Variants in ARIH1 observed in about 807,000 individuals in gnomAD.
ARIH1 encodes the protein ariadne RBR E3 ubiquitin protein ligase 1.
Under a neutral mutation model 85.0 loss-of-function variants are expected in ARIH1, and 8 were observed. The observed-to-expected ratio is 0.09, with a 90% CI of 0.06 to 0.17. The LOEUF is 0.17. Ranked by LOEUF, ARIH1 falls within the 10% of genes least tolerant of loss-of-function variation. The probability of loss-of-function intolerance (pLI) is 1.00; values close to 1 mark genes in which losing one functional copy is unlikely to be tolerated. For synonymous variants in ARIH1, 238 were observed against 253.6 expected (o/e 0.94, Z 0.59); for missense variants, 311 against 718.1 (o/e 0.43, Z 6.48).
intron 2 of ARIH1, among the ~76,000 whole-genome samples, chr15:72,535,343 C>T (rs1226478108): frequency 2.0e-5 from 3 of 152,186 alleles, no homozygotes; most frequent in African/African-American, 4.8e-5. Flanking sequence ...CCCATTCTTG[C>T]ATGCTAAGTA....
In ARIH1 at chr15:72,585,777, A is replaced by G. The variant is rs1316189662; in HGVS notation, c.*2485A>G. The G allele has an allele frequency of 9.2e-5, 14 of 152,156 alleles. No individual in the cohort carries two copies. The highest frequency in any genetic ancestry group is 9.2e-4 in the Admixed American group (14 of 15,258). 9.4% of individuals were successfully genotyped at this position (152,156 alleles called of 1,614,324 possible). A position where few individuals can be genotyped will look rare whatever the true frequency, so the allele number is the denominator to read the frequency against. On this transcript the variant is annotated 3_prime_UTR_variant, in exon 14 of 14. Coordinates refer to ENST00000379887, the MANE Select transcript of ARIH1 (RefSeq NM_005744.5). Reference sequence around the variant, plus strand: ...GATGAACTGGCCCTTTTCTACTTCCAAGCTTTTAACAGATACCACCATATT... The same window carrying G: ...GATGAACTGGCCCTTTTCTACTTCCGAGCTTTTAACAGATACCACCATATT...
chr15:72,500,389 CTTTA>C (rs1297486252), intron 1 of ARIH1, among the ~76,000 whole-genome samples: 1 of 152,016 alleles, frequency 6.6e-6, no homozygotes, highest in Non-Finnish European at 1.5e-5. Flanking sequence ...CACTTTATGA[CTTTA>C]TTTATTTATT....
chr15:72,535,118 A>AT (rs1173784220), intron 2 of ARIH1, among the ~76,000 whole-genome samples: 1 of 149,364 alleles, frequency 6.7e-6, no homozygotes, highest in Admixed American at 6.7e-5. Context: ...CGCCCGGCTA[A>AT]TTTTTTGTAT....
chr15:72,574,675 C>T (rs1394166785), intron 11 of ARIH1, among the ~76,000 whole-genome samples: 5 of 152,162 alleles, frequency 3.3e-5, no homozygotes, highest in African/African-American at 9.7e-5. Context: ...TTTAGCTTTG[C>T]GTACTACATA....
intron 11 of ARIH1, among the ~76,000 whole-genome samples, chr15:72,578,816 G>T (rs202188408): frequency 1.1e-4 from 16 of 140,910 alleles, no homozygotes; most frequent in East Asian, 4.2e-4. Flanking sequence ...GTTTTTTGGT[G>T]TTTTGTTTTT....
intron 5 of ARIH1, 171 bp from the exon 6 acceptor site, chr15:72,561,312 G>A (rs1320072595): frequency 2.0e-6 from 1 of 509,186 alleles, no homozygotes; most frequent in African/African-American, 2.0e-5. Context: ...TGAAATTATT[G>A]TTCTGATCAG....
intron 1 of ARIH1, among the ~76,000 whole-genome samples, chr15:72,513,869 C>T (rs1265064665): frequency 7.6e-6 from 1 of 131,028 alleles, no homozygotes; most frequent in African/African-American, 2.9e-5. Context: ...CTCCTTCCCT[C>T]TACCCCCCGC....
rs1448183596 is a variant in ARIH1 at position 72,474,422 on chromosome 15, G to A, written c.-218G>A. On this transcript the variant is annotated 5_prime_UTR_variant, in exon 1 of 14. Transcript: ENST00000379887. ...CGCGTCTGACTGAGGCGGGCAGCAAGCGGCCCCCTCGCTCCCTCCCTCCCT... is the reference window on the plus strand; with the variant it reads ...CGCGTCTGACTGAGGCGGGCAGCAAACGGCCCCCTCGCTCCCTCCCTCCCT... 27 of 597,504 alleles carry A rather than the reference G, an allele frequency of 4.5e-5. No individual in the cohort carries two copies. Among genetic ancestry groups the A allele is most frequent in the Admixed American group, 2.3e-4 (7 of 30,426 alleles). 37.0% of individuals were successfully genotyped at this position (597,504 alleles called of 1,614,324 possible). A position where few individuals can be genotyped will look rare whatever the true frequency, so the allele number is the denominator to read the frequency against.
At chr15:72,477,054 T>A (rs2063797791) in intron 1 of ARIH1, among the ~76,000 whole-genome samples, 1 of 152,230 alleles carries the variant, frequency 6.6e-6, no homozygotes, top group Admixed American at 6.5e-5. Context: ...TGGGATAAAG[T>A]GAATTGCTGA....
chr15:72,585,062 C>T lies in ARIH1; in HGVS notation c.*1770C>T, dbSNP rs1032686253. On this transcript the variant is annotated 3_prime_UTR_variant, in exon 14 of 14. Coordinates refer to ENST00000379887, the MANE Select transcript of ARIH1 (RefSeq NM_005744.5). ...ATTACTCCATTGGGAAGTAGGTTCA[C>T]TTTCCTCTGGCCTTTTGCCTAAGTT... 2.0e-5 allele frequency: 3 copies of T among 152,060 alleles called. No homozygotes were observed. The highest frequency in any genetic ancestry group is 7.2e-5 in the African/African-American group (3 of 41,408). The allele number at this position is 152,060 out of a possible 1,614,324, so 9.4% of individuals were successfully genotyped here.
chr15:72,544,729 C>T, intron 2 of ARIH1, 91 bp from the exon 3 acceptor site: 2 of 1,148,400 alleles, frequency 1.7e-6, no homozygotes, highest in Non-Finnish European at 2.4e-6. Flanking sequence ...AATTCAACTT[C>T]TTGCTTTTCC....
chr15:72,581,997 G>C, intron 12 of ARIH1, 78 bp from the exon 13 acceptor site: 2 of 939,962 alleles, frequency 2.1e-6, no homozygotes, highest in Non-Finnish European at 3.4e-6. Context: ...AGAGCAGTCT[G>C]TAGTCAACAA....
intron 5 of ARIH1, among the ~76,000 whole-genome samples, chr15:72,557,800 G>A (rs1204202588): frequency 6.6e-6 from 1 of 152,088 alleles, no homozygotes; most frequent in Non-Finnish European, 1.5e-5. Flanking sequence ...ATTTATGTGT[G>A]TGTGGCTATT....
intron 10 of ARIH1, 128 bp from the exon 11 acceptor site, chr15:72,571,980 A>C: frequency 1.5e-6 from 1 of 657,978 alleles, no homozygotes; most frequent in Non-Finnish European, 2.6e-6. Flanking sequence ...TAACATCTCA[A>C]TTTCTCTGTT....
intron 1 of ARIH1, among the ~76,000 whole-genome samples, chr15:72,497,031 C>G (rs145764717): frequency 1.3e-5 from 2 of 152,328 alleles, no homozygotes; most frequent in East Asian, 3.9e-4. Context: ...GTAAAGGGCA[C>G]AATTTTATTA....
chr15:72,545,109 A>T, intron 3 of ARIH1, 145 bp downstream of exon 3: 1 of 707,136 alleles, frequency 1.4e-6, no homozygotes, highest in Non-Finnish European at 2.0e-6. Context: ...GTGTGAGGAA[A>T]GGAAGAAAAA....
chr15:72,513,894 A>G (rs2063963040), intron 1 of ARIH1, among the ~76,000 whole-genome samples: 1 of 142,198 alleles, frequency 7.0e-6, no homozygotes, highest in Non-Finnish European at 1.5e-5. Flanking sequence ...CCTCCGCCAA[A>G]GACAGAGTCT....
chr15:72,474,572 C>T lies in ARIH1; in HGVS notation c.-68C>T. 1 of 1,469,372 alleles carries T rather than the reference C, an allele frequency of 6.8e-7. No homozygotes were observed. The highest frequency in any genetic ancestry group is 9.0e-7 in the Non-Finnish European group (1 of 1,113,186). 91.0% of individuals were successfully genotyped at this position (1,469,372 alleles called of 1,614,324 possible). On this transcript the variant is annotated 5_prime_UTR_variant, in exon 1 of 14. Coordinates refer to ENST00000379887, the MANE Select transcript of ARIH1 (RefSeq NM_005744.5). The stretch of plus-strand genomic sequence containing the variant: ...CATCAGCCGGAGCCGGAGCGAGAGC[C>T]GGGGCCTCGGCGTCCCCGCCCTCTC...
chr15:72,547,218 C>T (rs550959551), intron 3 of ARIH1, among the ~76,000 whole-genome samples: 29 of 126,330 alleles, frequency 2.3e-4, no homozygotes, highest in Non-Finnish European at 4.1e-4. Context: ...TGAGCCACCG[C>T]GCCTGGCCTC....
Sources: allele counts gnomAD v4.1 joint callset (sites outside exome capture counted in the v4.1 genomes callset), GRCh38; gene constraint gnomAD v4.1.1; transcripts MANE v1.5; gene names NCBI Gene and HGNC (gene_info 2026-07-23, HGNC 2026-07-21).